TCF4: variants seen among roughly 807,000 people sequenced by gnomAD.
The protein encoded by TCF4 is transcription factor 4, also known as SL3-3 enhancer factor 2.
Under a neutral mutation model 82.1 loss-of-function variants are expected in TCF4, and 3 were observed. That is an observed-to-expected ratio of 0.04 (90% CI 0.02 to 0.09). The LOEUF (loss-of-function observed/expected upper bound fraction) is 0.09. Ranked by LOEUF, TCF4 falls within the 10% of genes least tolerant of loss-of-function variation. TCF4 has a pLI of 1.00. For missense variants in TCF4, 518 were observed against 852.7 expected (o/e 0.61, Z 4.89); for synonymous variants, 276 against 309.6 (o/e 0.89, Z 1.14).
At chr18:55,507,715 A>T (rs543812182) in intron 3 of TCF4, among the ~76,000 whole-genome samples, 32 of 152,300 alleles carry the variant, frequency 2.1e-4, no homozygotes, top group African/African-American at 7.7e-4. Flanking sequence ...ACACAGAGGG[A>T]ACCACTGAAT....
intron 2 of TCF4, chr18:55,586,258 G>A: frequency 2.1e-6 from 2 of 958,504 alleles, no homozygotes; most frequent in Admixed American, 4.4e-5. Context: ...AAGGCGGTTT[G>A]GATTTTATTT....
chr18:55,394,483 AG>A (rs933249434), intron 6 of TCF4, among the ~76,000 whole-genome samples: 1 of 152,174 alleles, frequency 6.6e-6, no homozygotes, highest in African/African-American at 2.4e-5. Context: ...ATGGAGATAA[AG>A]GGTATGTAGC....
chr18:55,260,133 A>G (rs1276404559), intron 12 of TCF4, 106 bp from the exon 13 acceptor site: 3 of 818,816 alleles, frequency 3.7e-6, no homozygotes, highest in Admixed American at 3.9e-5. Context: ...CTTACAAGTT[A>G]CAGCATACAT....
intron 3 of TCF4, among the ~76,000 whole-genome samples, chr18:55,518,394 G>A (rs531377573): frequency 3.3e-5 from 5 of 152,206 alleles, no homozygotes; most frequent in African/African-American, 1.2e-4. Context: ...ATGAAAAAAC[G>A]TGTGCAAAGA....
chr18:55,441,453 C>T (rs980929127), intron 5 of TCF4, among the ~76,000 whole-genome samples: 2 of 152,056 alleles, frequency 1.3e-5, no homozygotes, highest in African/African-American at 4.8e-5. Context: ...TTCTATCCAC[C>T]CTATTATTTC....
At chr18:55,230,369 A>C (rs1402173767) in intron 17 of TCF4, 1 of 152,240 alleles carries the variant, frequency 6.6e-6, no homozygotes, top group Non-Finnish European at 1.5e-5. Flanking sequence ...GGAAGTCGTC[A>C]CAGCAGCAGG....
intron 6 of TCF4, among the ~76,000 whole-genome samples, chr18:55,393,931 A>G (rs977814460): frequency 1.1e-4 from 17 of 152,210 alleles, no homozygotes; most frequent in Admixed American, 2.6e-4. Flanking sequence ...ATAGTTTTCA[A>G]TAAAACTACA....
At chr18:55,400,660 T>C (rs919164583) in intron 6 of TCF4, among the ~76,000 whole-genome samples, 5 of 152,168 alleles carry the variant, frequency 3.3e-5, no homozygotes, top group African/African-American at 1.2e-4. Context: ...TAGTGTTAAA[T>C]CCTTAGGAGA....
At chr18:55,618,962 T>C (rs562445250) in intron 2 of TCF4, among the ~76,000 whole-genome samples, 6 of 152,168 alleles carry the variant, frequency 3.9e-5, no homozygotes, top group African/African-American at 9.6e-5. Context: ...GCTTAGTTTG[T>C]TCTTTTTTTT....
rs185407483 is a variant in TCF4 at position 55,540,806 on chromosome 18, C to T, written c.145+44474G>A. ...ATTGTTTTTTGATATTTCAGGATTT[C>T]GTCTTTATCCACAGGCCTTCATTCA... On this transcript the variant is annotated intron_variant, in intron 3 of 19. Coordinates refer to ENST00000354452, the MANE Select transcript of TCF4 (RefSeq NM_001083962.2). 3.5e-3 allele frequency among the ~76,000 whole-genome samples: 537 copies of T among 152,068 alleles called. 1 individual carries two copies. The highest frequency in any genetic ancestry group is 0.017 in the Middle Eastern group (5 of 294).
intron 6 of TCF4, among the ~76,000 whole-genome samples, chr18:55,382,331 A>T (rs1441706375): frequency 6.9e-6 from 1 of 144,340 alleles, no homozygotes; most frequent in African/African-American, 2.5e-5. Flanking sequence ...TTTCTCAGTT[A>T]AAAAAAAAAA....
intron 8 of TCF4, among the ~76,000 whole-genome samples, chr18:55,295,693 A>G (rs2066326596): frequency 6.6e-6 from 1 of 152,130 alleles, no homozygotes; most frequent in Non-Finnish European, 1.5e-5. Flanking sequence ...TGATCAGGCC[A>G]CTGTTTACCT....
At chr18:55,448,296 G>A (rs2095561402) in intron 5 of TCF4, among the ~76,000 whole-genome samples, 1 of 152,184 alleles carries the variant, frequency 6.6e-6, no homozygotes, top group Admixed American at 6.5e-5. Context: ...AAGGAAAGGT[G>A]ATCTGCTCTG....
At chr18:55,513,064 C>A (rs2096844394) in intron 3 of TCF4, among the ~76,000 whole-genome samples, 1 of 152,144 alleles carries the variant, frequency 6.6e-6, no homozygotes, top group African/African-American at 2.4e-5. Flanking sequence ...GATAAAGGGG[C>A]ACCATCTTTT....
intron 15 of TCF4, among the ~76,000 whole-genome samples, chr18:55,246,601 C>T (rs2053280119): frequency 1.3e-5 from 2 of 152,206 alleles, no homozygotes; most frequent in Non-Finnish European, 2.9e-5. Flanking sequence ...AATCTTTTGA[C>T]TTTTCTTTAA....
chr18:55,415,197 A>AT (rs1275985225), intron 5 of TCF4, among the ~76,000 whole-genome samples: 1 of 152,196 alleles, frequency 6.6e-6, no homozygotes, highest in Non-Finnish European at 1.5e-5. Flanking sequence ...ACTCAAGAGT[A>AT]TTACACACAT....
rs143460025 is a variant in TCF4, at chr18:55,609,688, C to A, written c.286+21610G>T. Among the ~76,000 whole-genome samples the A allele has an allele frequency of 4.5e-3, 682 of 152,228 alleles. 4 individuals are homozygous for A. Among genetic ancestry groups the A allele is most frequent in the African/African-American group, 0.015 (613 of 41,542 alleles). On this transcript the variant is annotated intron_variant, in intron 2 of 20. Transcript: ENST00000398339. ...ACACAGATGATATGTGAACTTGGCT[C>A]ACTCATTCTGTTCCAGCCACTTTAG...
intron 2 of TCF4, among the ~76,000 whole-genome samples, chr18:55,619,133 T>A (rs1257726895): frequency 6.6e-6 from 1 of 152,038 alleles, no homozygotes. Flanking sequence ...TTTTGGGTTG[T>A]TTTATGTTTG....
At chr18:55,522,959 T>TGG (rs2096944563) in intron 3 of TCF4, among the ~76,000 whole-genome samples, 1 of 152,070 alleles carries the variant, frequency 6.6e-6, no homozygotes, top group Non-Finnish European at 1.5e-5. Flanking sequence ...TATCATTTGT[T>TGG]GGGACACTAA....
Sources: gnomAD v4.1 joint callset for allele counts (sites outside exome capture counted in the v4.1 genomes callset) on GRCh38, gnomAD v4.1.1 for gene constraint, MANE v1.5 for transcripts, NCBI Gene and HGNC (gene_info 2026-07-23, HGNC 2026-07-21) for gene names.